Variants in TMX4 observed in about 807,000 individuals in gnomAD.
TMX4 encodes thioredoxin-related transmembrane protein 4.
TMX4 carries 23 observed loss-of-function variants against 33.3 expected under a neutral mutation model. The ratio of observed to expected loss-of-function variants is 0.69; its 90% CI spans 0.50 to 0.98. TMX4 has a LOEUF of 0.98. Ranked by LOEUF, TMX4 falls within the 50% of genes least tolerant of loss-of-function variation. The probability of loss-of-function intolerance (pLI) is 0.00; values close to 1 mark genes in which losing one functional copy is unlikely to be tolerated. For synonymous variants in TMX4, 164 were observed against 161.5 expected (o/e 1.02, Z -0.12); for missense variants, 399 against 448.9 (o/e 0.89, Z 1.01).
intron 1 of TMX4, among the ~76,000 whole-genome samples, chr20:8,011,635 AC>A (rs1417513387): frequency 6.6e-6 from 1 of 152,126 alleles, no homozygotes; most frequent in African/African-American, 2.4e-5. Context: ...CATTTATTTC[AC>A]AAAAAGTACT....
intron 4 of TMX4, among the ~76,000 whole-genome samples, chr20:7,998,594 C>T (rs940739171): frequency 6.6e-6 from 1 of 152,132 alleles, no homozygotes; most frequent in Non-Finnish European, 1.5e-5. Flanking sequence ...CATGACCTGG[C>T]TTCAGCCTGC....
chr20:8,000,009 G>C, intron 3 of TMX4, 149 bp from the exon 4 acceptor site: 1 of 795,190 alleles, frequency 1.3e-6, no homozygotes, highest in Non-Finnish European at 1.9e-6. Flanking sequence ...AGATAAATCA[G>C]AAAGAGTTAA....
At chr20:7,995,722 T>C (rs139204888) in intron 5 of TMX4, among the ~76,000 whole-genome samples, 2 of 152,158 alleles carry the variant, frequency 1.3e-5, no homozygotes, top group African/African-American at 4.8e-5. Context: ...TAGGGAGATA[T>C]GCCTACAAAG....
At chr20:8,018,368 G>C (rs190106017) in intron 1 of TMX4, among the ~76,000 whole-genome samples, 1 of 67,876 alleles carries the variant, frequency 1.5e-5, no homozygotes, top group Non-Finnish European at 2.7e-5. Context: ...GAGAGAGAGA[G>C]GAGAGAGAGG....
chr20:8,011,976 TTGC>T (rs1210526535), intron 1 of TMX4, among the ~76,000 whole-genome samples: 1 of 152,156 alleles, frequency 6.6e-6, no homozygotes, highest in Non-Finnish European at 1.5e-5. Context: ...CAATAAATGT[TTGC>T]TGAATAAACA....
At chr20:8,014,395 TGAA>T (rs1217044984) in intron 1 of TMX4, among the ~76,000 whole-genome samples, 2 of 152,194 alleles carry the variant, frequency 1.3e-5, no homozygotes, top group African/African-American at 4.8e-5. Flanking sequence ...GTGATATGCT[TGAA>T]GAAGTGCCTG....
intron 4 of TMX4, among the ~76,000 whole-genome samples, chr20:7,997,997 C>T (rs556826879): frequency 1.3e-5 from 2 of 152,200 alleles, no homozygotes; most frequent in East Asian, 3.9e-4. Context: ...ATCCTTCTCT[C>T]TTGCTCCTAC....
Position 8,019,575 on chromosome 20 carries a change from G to C in TMX4, c.39C>G (p.Leu13=), listed in dbSNP as rs1414589626. The change falls in exon 1 of 8, where the codon CTC becomes CTG. Residue 13 remains leucine, a synonymous_variant. Transcript: ENST00000246024. ...CCACAGCCGCGATCCAGGCGGCCAG[G>C]AGCGCCGTTAGCTGCGGGCCGCAGC... ...GGRCGPQLTA[L]LAAWIAAVAA... The C allele has an allele frequency of 1.4e-6, 2 of 1,400,596 alleles. No individual in the cohort carries two copies. Among genetic ancestry groups the C allele is most frequent in the Non-Finnish European group, 1.9e-6 (2 of 1,079,726 alleles). The allele number at this position is 1,400,596 out of a possible 1,614,324, so 86.8% of individuals were successfully genotyped here. A position where few individuals can be genotyped will look rare whatever the true frequency, so the allele number is the denominator to read the frequency against.
chr20:7,999,583 A>T, intron 4 of TMX4, 149 bp downstream of exon 4: 1 of 871,892 alleles, frequency 1.1e-6, no homozygotes, highest in Non-Finnish European at 1.6e-6. Context: ...CAAAATCAGA[A>T]ATACTGCATG....
chr20:8,015,973 A>G (rs561682053), intron 1 of TMX4, among the ~76,000 whole-genome samples: 2 of 152,346 alleles, frequency 1.3e-5, no homozygotes, highest in African/African-American at 4.8e-5. Context: ...CCACTTGGCT[A>G]TCTATTTCTT....
chr20:7,979,165 A>G lies in TMX4; in HGVS notation c.*3086T>C, dbSNP rs1462721510. On this transcript the variant is annotated 3_prime_UTR_variant, in exon 8 of 8. Coordinates refer to ENST00000246024, the MANE Select transcript of TMX4 (RefSeq NM_021156.4). ...ATATTATCTACAGAAAAAATCCACAAACTCTTATCGAAATGTTCATATAAA... is the reference window on the plus strand; with the variant it reads ...ATATTATCTACAGAAAAAATCCACAGACTCTTATCGAAATGTTCATATAAA... 6.6e-6 allele frequency: 1 copy of G among 152,096 alleles called. No homozygotes were observed. The highest frequency in any genetic ancestry group is 1.5e-5 in the Non-Finnish European group (1 of 68,014). 9.4% of individuals were successfully genotyped at this position (152,096 alleles called of 1,614,324 possible).
intron 6 of TMX4, among the ~76,000 whole-genome samples, chr20:7,984,710 A>T (rs2050623125): frequency 6.6e-6 from 1 of 152,180 alleles, no homozygotes; most frequent in South Asian, 2.1e-4. Context: ...TTACAGTATA[A>T]TGATCAAATC....
chr20:8,006,852 G>A (rs13043327), intron 2 of TMX4, among the ~76,000 whole-genome samples: 31,928 of 150,956 alleles, frequency 0.21, 3,920 homozygotes, highest in South Asian at 0.41. Context: ...TCTGCCTCCC[G>A]GGTTCAAGCG....
At chr20:8,000,804 T>A (rs1049828901) in intron 3 of TMX4, among the ~76,000 whole-genome samples, 7 of 152,212 alleles carry the variant, frequency 4.6e-5, no homozygotes, top group African/African-American at 1.4e-4. Flanking sequence ...TACCTAGACT[T>A]CTCCATTTGG....
rs147628155 is a variant in TMX4, at chr20:7,996,086, A to G, written c.468-15T>C. 340 of 1,607,834 alleles carry G rather than the reference A, an allele frequency of 2.1e-4. No homozygotes were observed. In the African/African-American group the frequency reaches 4.1e-3, roughly 19 times the overall value. ...TTCCAGACATCCTTAAAAAAAAATA[A>G]AGAGAAGAAACAGTGATCATATATA... is the stretch of plus-strand genomic sequence containing the variant. On this transcript the variant is annotated splice_polypyrimidine_tract_variant and intron_variant, in intron 4 of 7. Transcript: ENST00000246024.
Position 8,000,990 on chromosome 20 carries a change from AG to A in TMX4, c.338+505del, listed in dbSNP as rs1387026115. Among the ~76,000 whole-genome samples, 4 of 152,146 alleles carry A rather than the reference AG, an allele frequency of 2.6e-5. No individual in the cohort carries two copies. In the East Asian group the frequency reaches 7.7e-4, roughly 29 times the overall value. On this transcript the variant is annotated intron_variant, in intron 3 of 7. Transcript: ENST00000246024. ...CCTTCCCACAGCTAATCAGTCACCA[AG>A]TCCCACTGATCCTACCTCCTAAGTA...
intron 4 of TMX4, among the ~76,000 whole-genome samples, chr20:7,996,793 T>C (rs1189128508): frequency 6.6e-6 from 1 of 152,152 alleles, no homozygotes; most frequent in African/African-American, 2.4e-5. Flanking sequence ...CTCTACTCTC[T>C]TTTACCCTTT....
intron 2 of TMX4, 55 bp downstream of exon 2, chr20:8,010,145 A>C: frequency 1.3e-6 from 2 of 1,499,512 alleles, no homozygotes; most frequent in East Asian, 4.6e-5. Context: ...CTTGAAAAAA[A>C]TTCAAAATAA....
intron 1 of TMX4, 159 bp downstream of exon 1, chr20:8,019,279 A>T: frequency 1.2e-6 from 1 of 857,122 alleles, no homozygotes; most frequent in South Asian, 2.0e-5. Context: ...GCAGGATCGC[A>T]AGCGGCCCGG....
Sources: allele counts gnomAD v4.1 joint callset (sites outside exome capture counted in the v4.1 genomes callset), GRCh38; gene constraint gnomAD v4.1.1; transcripts MANE v1.5; gene names NCBI Gene and HGNC (gene_info 2026-07-23, HGNC 2026-07-21).